DLGAP2: variants seen among roughly 807,000 people sequenced by gnomAD.
The protein encoded by DLGAP2 is DLG associated protein 2, also known as disks large-associated protein 2.
Under a neutral mutation model 100.3 loss-of-function variants are expected in DLGAP2, and 26 were observed. That is an observed-to-expected ratio of 0.26 (90% confidence interval 0.19 to 0.36). The LOEUF (loss-of-function observed/expected upper bound fraction) is 0.36. DLGAP2 is among the 10% of genes least tolerant of loss of function. The pLI is 1.00. For missense variants in DLGAP2, 1,858 were observed against 1,453.2 expected (o/e 1.28, Z -4.53); for synonymous variants, 886 against 630.1 (o/e 1.41, Z -6.08).
At chr8:1,424,769 C>G (rs1344918152) in intron 3 of DLGAP2, among the ~76,000 whole-genome samples, 1 of 152,196 alleles carries the variant, frequency 6.6e-6, no homozygotes, top group Non-Finnish European at 1.5e-5. Context: ...GTCAGATGCA[C>G]AGACAGAAGG....
intron 2 of DLGAP2, among the ~76,000 whole-genome samples, chr8:1,217,136 G>A (rs1278197004): frequency 6.6e-6 from 1 of 152,112 alleles, no homozygotes; most frequent in Non-Finnish European, 1.5e-5. Context: ...ATAGACCCCA[G>A]TATCTGTTGC....
chr8:941,331 G>A (rs1799190292), intron 2 of DLGAP2, among the ~76,000 whole-genome samples: 1 of 152,040 alleles, frequency 6.6e-6, no homozygotes, highest in Admixed American at 6.5e-5. Flanking sequence ...TTGGGCAGCG[G>A]CAAGGTGAGA....
chr8:1,614,235 A>T (rs1284140713), intron 6 of DLGAP2, among the ~76,000 whole-genome samples: 1 of 152,186 alleles, frequency 6.6e-6, no homozygotes, highest in East Asian at 1.9e-4. Context: ...CAGAAAAAAA[A>T]CGGATGGCAC....
chr8:1,418,687 C>T (rs1249548846), intron 3 of DLGAP2, among the ~76,000 whole-genome samples: 2 of 152,160 alleles, frequency 1.3e-5, no homozygotes. Flanking sequence ...ATACTTCTGG[C>T]CACCAAATGT....
At chr8:1,272,510 ATATT>A (rs1451772746) in intron 3 of DLGAP2, among the ~76,000 whole-genome samples, 1 of 152,118 alleles carries the variant, frequency 6.6e-6, no homozygotes, top group Non-Finnish European at 1.5e-5. Context: ...TATAGAATAT[ATATT>A]CACATCTGTG....
chr8:1,081,152 C>G (rs2129039470), intron 2 of DLGAP2, among the ~76,000 whole-genome samples: 1 of 152,200 alleles, frequency 6.6e-6, no homozygotes, highest in South Asian at 2.1e-4. Flanking sequence ...TTACTGTTTT[C>G]TCGTTTCTGA....
At chr8:1,364,120 A>C (rs981975018) in intron 3 of DLGAP2, among the ~76,000 whole-genome samples, 3 of 151,722 alleles carry the variant, frequency 2.0e-5, no homozygotes, top group African/African-American at 4.8e-5. Context: ...GGCCCCACCC[A>C]CCTTCCCTCC....
intron 2 of DLGAP2, among the ~76,000 whole-genome samples, chr8:1,173,780 C>G (rs1797186202): frequency 6.6e-6 from 1 of 152,188 alleles, no homozygotes; most frequent in South Asian, 2.1e-4. Flanking sequence ...CAGGTGCCGT[C>G]TGTCACCCCT....
chr8:989,105 G>C (rs567174474), intron 2 of DLGAP2, among the ~76,000 whole-genome samples: 1 of 152,124 alleles, frequency 6.6e-6, no homozygotes, highest in South Asian at 2.1e-4. Context: ...CCATTGTGAC[G>C]ACCGCAGTGC....
intron 2 of DLGAP2, among the ~76,000 whole-genome samples, chr8:1,080,238 C>G (rs1392835953): frequency 6.6e-6 from 1 of 152,228 alleles, no homozygotes; most frequent in African/African-American, 2.4e-5. Flanking sequence ...TCAGCAGGCA[C>G]TTGGTAGAGT....
chr8:795,905 T>TGTCCGGTGAGAGCAGGC (rs1796021887), intron 1 of DLGAP2, among the ~76,000 whole-genome samples: 3 of 37,752 alleles, frequency 7.9e-5, no homozygotes, highest in Non-Finnish European at 1.6e-4. Context: ...TGAGAGCAGC[T>TGTCCGGTGAGAGCAGGC]GTCCAGTGAG....
rs566573780 is a variant in DLGAP2, at chr8:993,923, C to T, written c.73+85957C>T. On this transcript the variant is annotated intron_variant, in intron 2 of 14. Coordinates refer to ENST00000637795, the MANE Select transcript of DLGAP2 (RefSeq NM_001346810.2). ...TAGAGGCTTGACTCTAATAGCAGAT[C>T]CCGGCTGGTAATTTTCCCTTTTTGG... Among the ~76,000 whole-genome samples the T allele has an allele frequency of 5.3e-5, 8 of 151,002 alleles. No individual in the cohort carries two copies. In the South Asian group the frequency reaches 1.1e-3, roughly 20 times the overall value.
chr8:1,214,624 C>G (rs913397361), intron 2 of DLGAP2, among the ~76,000 whole-genome samples: 2 of 152,224 alleles, frequency 1.3e-5, no homozygotes, highest in Non-Finnish European at 2.9e-5. Context: ...CATGTGTCTG[C>G]TTCTTCCCTA....
chr8:1,200,256 C>G (rs1342250926), intron 2 of DLGAP2, among the ~76,000 whole-genome samples: 1 of 152,220 alleles, frequency 6.6e-6, no homozygotes, highest in Non-Finnish European at 1.5e-5. Flanking sequence ...GCCTCTTTCC[C>G]CATCGAGGCT....
intron 1 of DLGAP2, among the ~76,000 whole-genome samples, chr8:888,476 T>C (rs1200877287): frequency 6.6e-6 from 1 of 152,066 alleles, no homozygotes; most frequent in Non-Finnish European, 1.5e-5. Flanking sequence ...GTTTTCAGCA[T>C]TTTTTTTCAT....
chr8:1,618,449 G>C (rs991515240), intron 6 of DLGAP2, among the ~76,000 whole-genome samples: 1 of 152,180 alleles, frequency 6.6e-6, no homozygotes, highest in African/African-American at 2.4e-5. Flanking sequence ...GTAATGTGAA[G>C]ATGTGAAATC....
intron 2 of DLGAP2, among the ~76,000 whole-genome samples, chr8:1,091,759 T>C (rs1453535598): frequency 1.3e-5 from 2 of 152,148 alleles, no homozygotes; most frequent in Non-Finnish European, 2.9e-5. Context: ...GCTCTGGCCC[T>C]GAGTCTCCTC....
chr8:1,287,330 TGTGC>T (rs1799948759), intron 3 of DLGAP2, among the ~76,000 whole-genome samples: 1 of 134,580 alleles, frequency 7.4e-6, no homozygotes, highest in Non-Finnish European at 1.5e-5. Flanking sequence ...TGTGTGTGTG[TGTGC>T]GTGGTTCTGT....
At chr8:1,691,749 C>T in intron 13 of DLGAP2, 123 bp downstream of exon 13, 1 of 873,282 alleles carries the variant, frequency 1.1e-6, no homozygotes, top group South Asian at 1.7e-5. Context: ...ATCACGTGCA[C>T]TTACTACAGA....
Sources: gnomAD v4.1 joint callset for allele counts (sites outside exome capture counted in the v4.1 genomes callset) on GRCh38, gnomAD v4.1.1 for gene constraint, MANE v1.5 for transcripts, NCBI Gene and HGNC (gene_info 2026-07-23, HGNC 2026-07-21) for gene names.